The following RFX4 variants were observed in gnomAD, a reference collection of about 807,000 sequenced individuals.
RFX4 encodes the protein transcription factor RFX4.
In RFX4, 10 loss-of-function variants were observed where a neutral mutation model predicts 95.0. That is an observed-to-expected ratio of 0.11 (90% CI 0.06 to 0.18). The LOEUF is 0.18. Ranked by LOEUF, RFX4 falls within the 10% of genes least tolerant of loss-of-function variation. RFX4 has a pLI of 1.00. For missense variants in RFX4, 640 were observed against 922.0 expected (o/e 0.69, Z 3.96); for synonymous variants, 321 against 340.7 (o/e 0.94, Z 0.64).
chr12:106,705,849 T>A (rs1433608065), intron 8 of RFX4, among the ~76,000 whole-genome samples: 2 of 152,214 alleles, frequency 1.3e-5, no homozygotes, highest in African/African-American at 4.8e-5. Context: ...CTTATGTGCC[T>A]ACTATGTGTC....
intron 1 of RFX4, among the ~76,000 whole-genome samples, chr12:106,585,505 G>A (rs1373727305): frequency 6.6e-6 from 1 of 152,216 alleles, no homozygotes; most frequent in East Asian, 1.9e-4. Context: ...ACTCCGACTT[G>A]CAAAACCGAC....
intron 13 of RFX4, among the ~76,000 whole-genome samples, chr12:106,722,457 T>C (rs2042413978): frequency 6.6e-6 from 1 of 152,194 alleles, no homozygotes; most frequent in Non-Finnish European, 1.5e-5. Context: ...TAACAGTCAA[T>C]GTAAAAAAGA....
chr12:106,624,206 T>G (rs1401730372), intron 2 of RFX4, among the ~76,000 whole-genome samples: 1 of 152,228 alleles, frequency 6.6e-6, no homozygotes, highest in African/African-American at 2.4e-5. Context: ...AAAGGAAGGA[T>G]GAAAGAGGAT....
intron 8 of RFX4, among the ~76,000 whole-genome samples, chr12:106,697,298 A>G (rs1028315124): frequency 2.6e-5 from 4 of 152,190 alleles, no homozygotes; most frequent in East Asian, 1.9e-4. Flanking sequence ...TACAAAGCAC[A>G]TTGCACATCC....
intron 4 of RFX4, among the ~76,000 whole-genome samples, chr12:106,664,308 C>T (rs2137347795): frequency 6.6e-6 from 1 of 151,860 alleles, no homozygotes; most frequent in East Asian, 1.9e-4. Context: ...AGAAACTAGT[C>T]CATTTCATCT....
chr12:106,720,967 C>G lies in RFX4; in HGVS notation c.1351+91C>G, dbSNP rs1416152416. ...TCTACCACAGTCTAACTTGCTGTTT[C>G]TGCAAGGTCATCACCCTGAAACACA... On this transcript the variant is annotated intron_variant, in intron 13 of 17. Transcript: ENST00000392842. The surrounding 1 kb of genome is among the most constrained non-coding windows in gnomAD (Gnocchi z 4.2). 9.1e-7 allele frequency: 1 copy of G among 1,097,818 alleles called. No homozygotes were observed. The highest frequency in any genetic ancestry group is 1.6e-5 in the African/African-American group (1 of 64,164). 68.0% of individuals were successfully genotyped at this position (1,097,818 alleles called of 1,614,324 possible).
Position 106,644,647 on chromosome 12 carries a change from CT to C in RFX4, c.191+5257del, listed in dbSNP as rs200354167. On this transcript the variant is annotated intron_variant, in intron 3 of 17. Coordinates refer to ENST00000392842, the MANE Select transcript of RFX4 (RefSeq NM_213594.3). ...CCCCTTGGACACCGTGGGAGTGTTTCTTCATGTCTGTATCAAGAAACAGAAT... is the reference window on the plus strand; with the variant it reads ...CCCCTTGGACACCGTGGGAGTGTTTCTCATGTCTGTATCAAGAAACAGAAT... Among the ~76,000 whole-genome samples, 1,125 of 152,288 alleles carry C rather than the reference CT, an allele frequency of 7.4e-3. 8 individuals are homozygous for C. The highest frequency in any genetic ancestry group is 0.02 in the South Asian group (97 of 4,824).
intron 4 of RFX4, among the ~76,000 whole-genome samples, chr12:106,667,453 CT>C (rs1163702122): frequency 6.6e-6 from 1 of 152,194 alleles, no homozygotes; most frequent in African/African-American, 2.4e-5. Flanking sequence ...GACTTTTGCT[CT>C]GATATTTACT....
chr12:106,686,989 G>A lies in RFX4; in HGVS notation c.483G>A (p.Val161=), dbSNP rs1160807870. 5 of 1,614,032 alleles carry A rather than the reference G, an allele frequency of 3.1e-6. No homozygotes were observed. Among genetic ancestry groups the A allele is most frequent in the Non-Finnish European group, 4.2e-6 (5 of 1,180,010 alleles). ...TGAGTGAGACGGGCAAGAAAGAAGT[G>A]AGCAAACAGACAGTGGCATATTCAC... The part of the protein sequence containing the change: ...AWVSETGKKE[V]SKQTVAYSPR... The change falls in exon 6 of 18, where the codon GTG becomes GTA. Residue 161 remains valine, a synonymous_variant. Coordinates refer to ENST00000392842, the MANE Select transcript of RFX4 (RefSeq NM_213594.3).
chr12:106,715,654 T>G, intron 11 of RFX4, 110 bp downstream of exon 11: 31 of 1,232,666 alleles, frequency 2.5e-5, no homozygotes, highest in Non-Finnish European at 3.4e-5. Context: ...CCAGCATCTC[T>G]TCCTCCTTAT....
chr12:106,709,578 A>T (rs1291900040), intron 9 of RFX4, 148 bp downstream of exon 9: 7 of 585,690 alleles, frequency 1.2e-5, no homozygotes, highest in Admixed American at 7.2e-5. Context: ...ACATATGTAA[A>T]TATATTTAAT....
chr12:106,676,815 C>T (rs1167812424), intron 4 of RFX4, among the ~76,000 whole-genome samples: 1 of 152,184 alleles, frequency 6.6e-6, no homozygotes, highest in Non-Finnish European at 1.5e-5. Flanking sequence ...CATTTCATTC[C>T]TCAAACACAC....
chr12:106,693,178 T>G (rs1387716574), intron 7 of RFX4: 1 of 364,222 alleles, frequency 2.7e-6, no homozygotes, highest in Non-Finnish European at 5.5e-6. Context: ...CCATTCTCCC[T>G]CCTTCCTTTT....
intron 3 of RFX4, among the ~76,000 whole-genome samples, chr12:106,644,191 T>C (rs1215367325): frequency 6.6e-6 from 1 of 152,056 alleles, no homozygotes; most frequent in Non-Finnish European, 1.5e-5. Flanking sequence ...GCTCAGTGTT[T>C]AGCATAAGAC....
At chr12:106,723,438 G>A (rs924571639) in intron 13 of RFX4, among the ~76,000 whole-genome samples, 1 of 152,108 alleles carries the variant, frequency 6.6e-6, no homozygotes, top group African/African-American at 2.4e-5. Flanking sequence ...TTCAGCAAAT[G>A]CCTGCTTATC....
intron 16 of RFX4, among the ~76,000 whole-genome samples, chr12:106,749,867 C>A (rs566658465): frequency 1.3e-4 from 20 of 152,292 alleles, no homozygotes; most frequent in African/African-American, 4.6e-4. Flanking sequence ...GCTCTCCCCC[C>A]AGGAGACAGC....
intron 2 of RFX4, among the ~76,000 whole-genome samples, chr12:106,617,990 G>C (rs1328277250): frequency 6.6e-6 from 1 of 152,116 alleles, no homozygotes; most frequent in Non-Finnish European, 1.5e-5. Context: ...GCCTCCCAAA[G>C]TGTTGAGATT....
chr12:106,739,600 C>T (rs1233071886), intron 15 of RFX4, among the ~76,000 whole-genome samples: 1 of 151,984 alleles, frequency 6.6e-6, no homozygotes, highest in African/African-American at 2.4e-5. Context: ...ATTGACTGTA[C>T]TTATTAATTG....
At chr12:106,702,051 G>A (rs1268768101) in intron 8 of RFX4, among the ~76,000 whole-genome samples, 1 of 152,000 alleles carries the variant, frequency 6.6e-6, no homozygotes, top group East Asian at 1.9e-4. Context: ...TTTTATAGTA[G>A]TAATTATTTA....
Sources: allele counts gnomAD v4.1 joint callset (sites outside exome capture counted in the v4.1 genomes callset), GRCh38; gene constraint gnomAD v4.1.1; non-coding constraint Gnocchi (gnomAD v3.1); transcripts MANE v1.5; gene names NCBI Gene and HGNC (gene_info 2026-07-23, HGNC 2026-07-21).